Variants in RBMS3 observed in about 807,000 individuals in gnomAD.
The protein encoded by RBMS3 is RNA binding motif single stranded interacting protein 3.
In RBMS3, 27 loss-of-function variants were observed where a neutral mutation model predicts 66.8. The ratio of observed to expected loss-of-function variants is 0.40; its 90% CI spans 0.30 to 0.56. The LOEUF is 0.56. Among genes scored for constraint, RBMS3 ranks in the 20% least tolerant of loss-of-function variants. The pLI is 0.40. For synonymous variants in RBMS3, 188 were observed against 183.0 expected (o/e 1.03, Z -0.22); for missense variants, 513 against 549.5 (o/e 0.93, Z 0.66).
intron 1 of RBMS3, among the ~76,000 whole-genome samples, chr3:29,403,465 T>C (rs1434081489): frequency 6.6e-6 from 1 of 152,060 alleles, no homozygotes; most frequent in East Asian, 1.9e-4. Context: ...ATAGCTAACT[T>C]TGCCATCTTT....
chr3:29,388,116 T>G (rs1190343642), intron 1 of RBMS3, among the ~76,000 whole-genome samples: 3 of 151,152 alleles, frequency 2.0e-5, no homozygotes. Flanking sequence ...CACACATGTG[T>G]GTGTATGTAT....
At chr3:29,389,850 G>A (rs552029329) in intron 1 of RBMS3, among the ~76,000 whole-genome samples, 61 of 152,270 alleles carry the variant, frequency 4.0e-4, no homozygotes, top group African/African-American at 9.1e-4. Context: ...CTTTGGGGCC[G>A]TTGAGTGCTT....
chr3:29,519,290 G>A (rs917740869), intron 3 of RBMS3, among the ~76,000 whole-genome samples: 5 of 152,136 alleles, frequency 3.3e-5, no homozygotes, highest in African/African-American at 1.2e-4. Context: ...TAAATAAGGC[G>A]AGGGCTGTGT....
At chr3:29,901,904 C>A (rs943816756) in intron 10 of RBMS3, among the ~76,000 whole-genome samples, 1 of 151,748 alleles carries the variant, frequency 6.6e-6, no homozygotes, top group Non-Finnish European at 1.5e-5. Context: ...TCAATCATTT[C>A]CCTGTAATAA....
At chr3:29,314,311 T>G (rs1198985379) in intron 1 of RBMS3, among the ~76,000 whole-genome samples, 1 of 151,696 alleles carries the variant, frequency 6.6e-6, no homozygotes, top group Non-Finnish European at 1.5e-5. Context: ...CAATAATACC[T>G]TCTCATGTAT....
At chr3:29,573,248 C>T (rs1576264573) in intron 3 of RBMS3, among the ~76,000 whole-genome samples, 1 of 151,986 alleles carries the variant, frequency 6.6e-6, no homozygotes, top group Non-Finnish European at 1.5e-5. Context: ...AGCCTCCCGA[C>T]TAGCTGGGAT....
At chr3:29,438,636 GT>G (rs1279186810) in intron 2 of RBMS3, among the ~76,000 whole-genome samples, 2 of 152,164 alleles carry the variant, frequency 1.3e-5, no homozygotes, top group Non-Finnish European at 2.9e-5. Flanking sequence ...TTGTACCTAT[GT>G]TTTGGATGAA....
chr3:29,500,447 C>T (rs989971781), intron 3 of RBMS3, among the ~76,000 whole-genome samples: 4 of 148,974 alleles, frequency 2.7e-5, no homozygotes, highest in African/African-American at 9.8e-5. Flanking sequence ...ATTATATATA[C>T]ATATATTTAC....
chr3:29,937,304 C>T (rs897940576), intron 11 of RBMS3, among the ~76,000 whole-genome samples: 1 of 152,088 alleles, frequency 6.6e-6, no homozygotes, highest in African/African-American at 2.4e-5. Context: ...ACAGTTACCA[C>T]CTCTGTGATT....
intron 2 of RBMS3, among the ~76,000 whole-genome samples, chr3:29,437,180 C>G (rs2125729885): frequency 6.6e-6 from 1 of 152,198 alleles, no homozygotes; most frequent in East Asian, 1.9e-4. Flanking sequence ...TGAAATTGGC[C>G]CTTGTGGGAG....
chr3:29,464,573 C>A (rs1407429412), intron 2 of RBMS3, among the ~76,000 whole-genome samples: 1 of 152,048 alleles, frequency 6.6e-6, no homozygotes, highest in African/African-American at 2.4e-5. Flanking sequence ...GTCTTGAAAT[C>A]TTTTTTAAAA....
chr3:29,421,092 A>G (rs1441708654), intron 1 of RBMS3, among the ~76,000 whole-genome samples: 1 of 151,734 alleles, frequency 6.6e-6, no homozygotes, highest in Non-Finnish European at 1.5e-5. Context: ...CAGCCTGGGC[A>G]ACAGAGCGAG....
intron 1 of RBMS3, among the ~76,000 whole-genome samples, chr3:29,395,819 G>A (rs1034878410): frequency 6.6e-6 from 1 of 152,162 alleles, no homozygotes; most frequent in Admixed American, 6.6e-5. Context: ...AAAGGGTGTT[G>A]AGTGTGTTTT....
intron 1 of RBMS3, among the ~76,000 whole-genome samples, chr3:29,394,493 G>C: frequency 6.6e-6 from 1 of 152,174 alleles, no homozygotes; most frequent in East Asian, 1.9e-4. Flanking sequence ...TTAAAGACAG[G>C]CATAGGAAGT....
chr3:29,594,048 G>T (rs1000151398), intron 4 of RBMS3, among the ~76,000 whole-genome samples: 5 of 152,054 alleles, frequency 3.3e-5, no homozygotes, highest in African/African-American at 1.2e-4. Context: ...AGAAATGAGA[G>T]GAGAAAACTA....
At chr3:29,442,199 T>C (rs886597427) in intron 2 of RBMS3, among the ~76,000 whole-genome samples, 7 of 151,772 alleles carry the variant, frequency 4.6e-5, no homozygotes, top group African/African-American at 1.4e-4. Flanking sequence ...ATTAAATTTC[T>C]ATATATACTT....
chr3:29,677,504 T>G (rs1053016952), intron 4 of RBMS3, among the ~76,000 whole-genome samples: 9 of 152,162 alleles, frequency 5.9e-5, no homozygotes, highest in Non-Finnish European at 1.0e-4. Context: ...TTTTAAAATT[T>G]GAATATTTTT....
At chr3:29,734,293 A>G (rs2149341277) in intron 4 of RBMS3, among the ~76,000 whole-genome samples, 1 of 152,242 alleles carries the variant, frequency 6.6e-6, no homozygotes, top group South Asian at 2.1e-4. Context: ...CAGGTACAAA[A>G]TTACAGCTAG....
At chr3:29,838,618 G>T (rs2058587679) in intron 6 of RBMS3, among the ~76,000 whole-genome samples, 1 of 152,076 alleles carries the variant, frequency 6.6e-6, no homozygotes, top group South Asian at 2.1e-4. Flanking sequence ...GACCATCTGA[G>T]ACATTTGTCG....
Sources: allele counts gnomAD v4.1 joint callset (sites outside exome capture counted in the v4.1 genomes callset), GRCh38; gene constraint gnomAD v4.1.1; transcripts MANE v1.5; gene names NCBI Gene and HGNC (gene_info 2026-07-23, HGNC 2026-07-21).